The following STPG4 variants were observed in gnomAD, a reference collection of about 807,000 sequenced individuals.
STPG4 encodes the protein sperm-tail PG-rich repeat containing 4, also known as protein STPG4.
In STPG4, 41 loss-of-function variants were observed where a neutral mutation model predicts 31.5. That is an observed-to-expected ratio of 1.30 (90% confidence interval 1.01 to 1.69). The LOEUF is 1.69. Ranked by LOEUF, STPG4 falls within the 40% of genes most tolerant of loss-of-function variation. The pLI is 0.00. For missense variants in STPG4, 375 were observed against 293.4 expected (o/e 1.28, Z -2.03); for synonymous variants, 141 against 103.0 (o/e 1.37, Z -2.24).
At chr2:47,148,704 C>CTG (rs1686876657) in intron 3 of STPG4, among the ~76,000 whole-genome samples, 1 of 152,066 alleles carries the variant, frequency 6.6e-6, no homozygotes. Context: ...CGACAGGCTC[C>CTG]TGTGTGTGAT....
At chr2:47,124,262 G>C (rs912079728) in intron 5 of STPG4, among the ~76,000 whole-genome samples, 2 of 152,094 alleles carry the variant, frequency 1.3e-5, no homozygotes, top group African/African-American at 4.8e-5. Flanking sequence ...TGGGATTACA[G>C]GTGTGAGCCA....
chr2:47,120,369 A>G (rs1452156540), intron 5 of STPG4, among the ~76,000 whole-genome samples: 2 of 152,052 alleles, frequency 1.3e-5, no homozygotes, highest in African/African-American at 4.8e-5. Flanking sequence ...GGGGACCAGC[A>G]GAAAAGAATG....
intron 5 of STPG4, among the ~76,000 whole-genome samples, chr2:47,101,101 C>T (rs1367137422): frequency 6.6e-6 from 1 of 151,794 alleles, no homozygotes; most frequent in Non-Finnish European, 1.5e-5. Flanking sequence ...CCATCGGACC[C>T]CTTTAGCTTG....
intron 5 of STPG4, among the ~76,000 whole-genome samples, chr2:47,096,493 T>C (rs1685671801): frequency 6.6e-6 from 1 of 152,220 alleles, no homozygotes; most frequent in Admixed American, 6.5e-5. Flanking sequence ...AACTGGACTG[T>C]GCTGATTTAA....
At chr2:47,149,856 C>T (rs7583684) in intron 3 of STPG4, among the ~76,000 whole-genome samples, 27,648 of 152,166 alleles carry the variant, frequency 0.18, 3,598 homozygotes, top group African/African-American at 0.36. Context: ...AGACCACGTT[C>T]CTGCCACTTC....
intron 5 of STPG4, among the ~76,000 whole-genome samples, chr2:47,123,069 G>A (rs1573176866): frequency 6.6e-6 from 1 of 151,942 alleles, no homozygotes; most frequent in African/African-American, 2.4e-5. Flanking sequence ...CAAATGATGC[G>A]CCTGCCTCAG....
At chr2:47,103,643 C>A (rs1040047949) in intron 5 of STPG4, among the ~76,000 whole-genome samples, 1 of 151,908 alleles carries the variant, frequency 6.6e-6, no homozygotes, top group Non-Finnish European at 1.5e-5. Flanking sequence ...AAAAGATTGT[C>A]CAATGAGAAA....
chr2:47,112,088 C>G lies in STPG4; in HGVS notation c.519+17853G>C, dbSNP rs115496662. 3.7e-3 allele frequency among the ~76,000 whole-genome samples: 562 copies of G among 152,242 alleles called. 6 individuals carry two copies. The highest frequency in any genetic ancestry group is 0.013 in the African/African-American group (532 of 41,530). Reference sequence around the variant, plus strand: ...TAATGTACTTTTGATAACTAAAAAACTAAGTAGTAATCTGATATGCCTTCA... The same window carrying G: ...TAATGTACTTTTGATAACTAAAAAAGTAAGTAGTAATCTGATATGCCTTCA... On this transcript the variant is annotated intron_variant, in intron 5 of 6. Coordinates refer to ENST00000445927, the MANE Select transcript of STPG4 (RefSeq NM_001163561.2).
intron 5 of STPG4, among the ~76,000 whole-genome samples, chr2:47,118,736 T>C (rs1189140648): frequency 6.6e-6 from 1 of 152,168 alleles, no homozygotes; most frequent in Non-Finnish European, 1.5e-5. Flanking sequence ...CAAATAGAGA[T>C]GATAAATTAA....
At chr2:47,115,399 G>T (rs12621790) in intron 5 of STPG4, among the ~76,000 whole-genome samples, 31,340 of 151,832 alleles carry the variant, frequency 0.21, 3,320 homozygotes, top group South Asian at 0.28. Context: ...TATCACCAGC[G>T]GCATCTTTTA....
intron 5 of STPG4, chr2:47,129,236 CT>C (rs957980535): frequency 6.6e-6 from 1 of 152,642 alleles, no homozygotes; most frequent in Non-Finnish European, 1.5e-5. Context: ...GCAAGCTGTG[CT>C]GCCTGGGGCT....
intron 6 of STPG4, among the ~76,000 whole-genome samples, chr2:47,089,190 G>A (rs1413334017): frequency 1.3e-5 from 2 of 152,216 alleles, no homozygotes; most frequent in African/African-American, 4.8e-5. Flanking sequence ...TCCTGAGAAT[G>A]CCTGACCCCG....
intron 3 of STPG4, among the ~76,000 whole-genome samples, chr2:47,143,379 G>A (rs2103797571): frequency 6.6e-6 from 1 of 152,140 alleles, no homozygotes; most frequent in South Asian, 2.1e-4. Flanking sequence ...CGAAAATTGT[G>A]CCTCACTATT....
At chr2:47,137,252 T>A (rs543587049) in intron 3 of STPG4, among the ~76,000 whole-genome samples, 1 of 152,356 alleles carries the variant, frequency 6.6e-6, no homozygotes, top group Admixed American at 6.5e-5. Flanking sequence ...TATGTGACTT[T>A]TCTTTTTTAG....
At chr2:47,095,970 A>C (rs1275680887) in intron 5 of STPG4, among the ~76,000 whole-genome samples, 1 of 152,218 alleles carries the variant, frequency 6.6e-6, no homozygotes, top group Non-Finnish European at 1.5e-5. Flanking sequence ...CATGCTCAGC[A>C]GAACAGCCCA....
intron 5 of STPG4, among the ~76,000 whole-genome samples, chr2:47,095,976 G>C (rs564297803): frequency 2.0e-5 from 3 of 152,186 alleles, no homozygotes; most frequent in Non-Finnish European, 2.9e-5. Context: ...CAGCAGAACA[G>C]CCCATAGGAG....
chr2:47,095,218 A>C (rs73926735), intron 5 of STPG4, among the ~76,000 whole-genome samples: 1,906 of 152,236 alleles, frequency 0.013, 39 homozygotes, highest in African/African-American at 0.043. Context: ...ATGGGACCTG[A>C]TTTGGAAATA....
intron 5 of STPG4, among the ~76,000 whole-genome samples, chr2:47,117,399 G>C (rs1686174694): frequency 6.6e-6 from 1 of 152,092 alleles, no homozygotes; most frequent in Non-Finnish European, 1.5e-5. Context: ...AGTAGAGATG[G>C]GGTTTCTCCA....
chr2:47,153,194 G>A (rs111644640), intron 1 of STPG4, among the ~76,000 whole-genome samples, 178 bp from the exon 2 acceptor site: 113 of 152,146 alleles, frequency 7.4e-4, no homozygotes, highest in African/African-American at 2.6e-3. Context: ...GTTATTTTAT[G>A]GTCTTAAGTC....
Sources: allele counts gnomAD v4.1 joint callset (sites outside exome capture counted in the v4.1 genomes callset), GRCh38; gene constraint gnomAD v4.1.1; transcripts MANE v1.5; gene names NCBI Gene and HGNC (gene_info 2026-07-23, HGNC 2026-07-21).